The following PARD3B variants were observed in gnomAD, a reference collection of about 807,000 sequenced individuals.
PARD3B encodes par-3 family cell polarity regulator beta.
Under a neutral mutation model 130.2 loss-of-function variants are expected in PARD3B, and 103 were observed. The ratio of observed to expected loss-of-function variants is 0.79; its 90% confidence interval spans 0.67 to 0.93. The LOEUF is 0.93. Among genes scored for constraint, PARD3B ranks in the 40% least tolerant of loss-of-function variants. The pLI is 0.00. For synonymous variants in PARD3B, 583 were observed against 553.2 expected (o/e 1.05, Z -0.76); for missense variants, 1,609 against 1,499.2 (o/e 1.07, Z -1.21).
At position 205,586,155 on chromosome 2, in the gene PARD3B, CTTTA is replaced by C. The variant is rs201764883; in HGVS notation, c.3261-29295_3261-29292del. Among the ~76,000 whole-genome samples the C allele has an allele frequency of 7.5e-3, 1,139 of 152,324 alleles. 14 individuals are homozygous for C. Among genetic ancestry groups the C allele is most frequent in the South Asian group, 0.01 (50 of 4,830 alleles). Reference sequence around the variant, plus strand: ...ATCTTCACATCCCTTTGTGTCCGCTCTTTATTTATGATGATAGCCGCCTATTCTT... The same window carrying C: ...ATCTTCACATCCCTTTGTGTCCGCTCTTTATGATGATAGCCGCCTATTCTT... On this transcript the variant is annotated intron_variant, in intron 22 of 22. Transcript: ENST00000406610.
chr2:205,520,111 CA>C (rs1222414641), intron 21 of PARD3B, among the ~76,000 whole-genome samples: 1 of 151,768 alleles, frequency 6.6e-6, no homozygotes, highest in Non-Finnish European at 1.5e-5. Flanking sequence ...AACTTAGAGG[CA>C]AAAAAGGAAG....
At chr2:205,289,143 A>G (rs1348154834) in intron 16 of PARD3B, among the ~76,000 whole-genome samples, 1 of 152,206 alleles carries the variant, frequency 6.6e-6, no homozygotes, top group African/African-American at 2.4e-5. Flanking sequence ...GAAATAAACA[A>G]GTTTATTTGG....
chr2:205,523,233 ATATATATATT>A (rs1189191534), intron 21 of PARD3B, among the ~76,000 whole-genome samples: 8 of 144,580 alleles, frequency 5.5e-5, no homozygotes, highest in East Asian at 3.9e-4. Flanking sequence ...GTGTATATAT[ATATATATATT>A]TATATATATA....
rs2053425661 is a variant in PARD3B, at chr2:205,568,081, C to T, written c.3260+14678C>T. 6.6e-6 allele frequency among the ~76,000 whole-genome samples: 1 copy of T among 152,176 alleles called. No individual in the cohort carries two copies. Among genetic ancestry groups the T allele is most frequent in the South Asian group, 2.1e-4 (1 of 4,828 alleles). Reference sequence around the variant, plus strand: ...GTGCACTGGTAACAGAAGCCTCAAGCCAGGCAGCACAGATGCTTGGATAAG... The same window carrying T: ...GTGCACTGGTAACAGAAGCCTCAAGTCAGGCAGCACAGATGCTTGGATAAG... On this transcript the variant is annotated intron_variant, in intron 22 of 22. Transcript: ENST00000406610. The surrounding 1 kb of genome is among the most constrained non-coding windows in gnomAD (Gnocchi z 5.3).
intron 22 of PARD3B, among the ~76,000 whole-genome samples, chr2:205,574,423 G>A (rs565536814): frequency 6.6e-6 from 1 of 152,298 alleles, no homozygotes; most frequent in South Asian, 2.1e-4. Flanking sequence ...CGCCATCTGT[G>A]TGGCTATGCC....
chr2:205,440,573 A>T lies in PARD3B; in HGVS notation c.2945A>T (p.Tyr982Phe), dbSNP rs1395672942. The T allele has an allele frequency of 6.2e-6, 10 of 1,613,824 alleles. No individual in the cohort carries two copies. The highest frequency in any genetic ancestry group is 8.5e-6 in the Non-Finnish European group (10 of 1,179,936). ...CCCCCTCGAGCTGGACCATTTGGTTACCCTCGGGATGGCCATCCACTGTCT... is the reference window on the plus strand; with the variant it reads ...CCCCCTCGAGCTGGACCATTTGGTTTCCCTCGGGATGGCCATCCACTGTCT... ...PSPPRAGPFG[Y>F]PRDGHPLSPE... The change falls in exon 20 of 23, where the codon TAC (tyrosine) becomes TTC (phenylalanine). Residue 982 changes from tyrosine to phenylalanine, a missense_variant. Transcript: ENST00000406610. The surrounding 1 kb of genome is among the most constrained non-coding windows in gnomAD (Gnocchi z 4.2).
At chr2:205,228,919 C>G (rs570388958) in intron 15 of PARD3B, among the ~76,000 whole-genome samples, 1 of 152,186 alleles carries the variant, frequency 6.6e-6, no homozygotes, top group Non-Finnish European at 1.5e-5. Flanking sequence ...ATGTCAATTA[C>G]ATTTTTCAAC....
In PARD3B at chr2:205,401,030, A is replaced by G; in HGVS notation, c.2648A>G (p.Glu883Gly). The G allele has an allele frequency of 6.3e-7, 1 of 1,599,580 alleles. No homozygotes were observed. Among genetic ancestry groups the G allele is most frequent in the Non-Finnish European group, 8.5e-7 (1 of 1,172,704 alleles). Residue 883 changes from glutamate (E) to glycine (G), a missense_variant, in exon 19 of 23, where the codon GAG becomes GGG. Glu to Gly is a moderately conservative substitution (Grantham distance 98). Coordinates refer to ENST00000406610, the MANE Select transcript of PARD3B (RefSeq NM_001302769.2). The stretch of plus-strand genomic sequence containing the variant: ...TTCACTAGATTTGGAAAGAAGAAAG[A>G]GGATAAGGGTGGAAAGGCTGAGCAG... ...GAMLRFGKKKEDKGGKAEQKG... is the reference protein window; with the variant it reads ...GAMLRFGKKKGDKGGKAEQKG...
chr2:204,757,698 A>G (rs1428945523), intron 2 of PARD3B, among the ~76,000 whole-genome samples: 1 of 152,168 alleles, frequency 6.6e-6, no homozygotes, highest in African/African-American at 2.4e-5. Flanking sequence ...GCGATTTTAA[A>G]ACTTTTAATT....
chr2:204,725,147 T>A (rs1056308419), intron 2 of PARD3B, among the ~76,000 whole-genome samples: 1 of 152,220 alleles, frequency 6.6e-6, no homozygotes. Flanking sequence ...TTTCCTCTTT[T>A]GTTTGAATTA....
At chr2:205,205,562 G>C (rs1331173766) in intron 15 of PARD3B, among the ~76,000 whole-genome samples, 16 of 152,260 alleles carry the variant, frequency 1.1e-4, no homozygotes, top group Admixed American at 1.0e-3. Flanking sequence ...TGCCCATTCA[G>C]TGTGATATTA....
In PARD3B at chr2:205,018,280, A is replaced by G. The variant is rs565132751; in HGVS notation, c.395-29301A>G. On this transcript the variant is annotated intron_variant, in intron 3 of 22. Transcript: ENST00000406610. Reference sequence around the variant, plus strand: ...ATTCACACCCTGGTGTAATAAACAGATATGATATATCTGTATAATTTTATT... The same window carrying G: ...ATTCACACCCTGGTGTAATAAACAGGTATGATATATCTGTATAATTTTATT... 5.9e-5 allele frequency among the ~76,000 whole-genome samples: 9 copies of G among 152,266 alleles called. No homozygotes were observed. In the South Asian group the frequency reaches 1.9e-3, roughly 32 times the overall value.
chr2:205,184,820 C>T (rs567609067), intron 13 of PARD3B, among the ~76,000 whole-genome samples: 2 of 151,924 alleles, frequency 1.3e-5, no homozygotes, highest in African/African-American at 4.8e-5. Context: ...TCTCATATTC[C>T]TCCAGTAAAG....
chr2:204,560,410 A>G lies in PARD3B; in HGVS notation c.120+14291A>G, dbSNP rs903839382. On this transcript the variant is annotated intron_variant, in intron 1 of 22. Coordinates refer to ENST00000406610, the MANE Select transcript of PARD3B (RefSeq NM_001302769.2). Reference sequence around the variant, plus strand: ...CAGTGGGCTTATAGATTTAACAGGCATAGAGGAGCATGGCAACAAATGGCA... The same window carrying G: ...CAGTGGGCTTATAGATTTAACAGGCGTAGAGGAGCATGGCAACAAATGGCA... Among the ~76,000 whole-genome samples, 17 of 152,152 alleles carry G rather than the reference A, an allele frequency of 1.1e-4. 1 individual carries two copies. The highest frequency in any genetic ancestry group is 3.3e-4 in the Admixed American group (5 of 15,284).
chr2:205,159,022 C>T (rs1024478574), intron 11 of PARD3B, 115 bp downstream of exon 11: 29 of 1,100,576 alleles, frequency 2.6e-5, no homozygotes, highest in African/African-American at 8.0e-5. Context: ...GAGACTTTCC[C>T]GCCAGATACA....
chr2:205,574,839 G>T (rs1393294408), intron 22 of PARD3B, among the ~76,000 whole-genome samples: 1 of 144,730 alleles, frequency 6.9e-6, no homozygotes, highest in Non-Finnish European at 1.5e-5. Flanking sequence ...GCTGCAATGG[G>T]GAAGTCACTG....
At chr2:205,544,973 T>C (rs976814763) in intron 21 of PARD3B, among the ~76,000 whole-genome samples, 4 of 152,250 alleles carry the variant, frequency 2.6e-5, no homozygotes, top group Non-Finnish European at 5.9e-5. Context: ...TAAAATATTT[T>C]ATTTGCTGTA....
intron 19 of PARD3B, among the ~76,000 whole-genome samples, chr2:205,418,105 G>T (rs555830393): frequency 7.2e-5 from 11 of 152,056 alleles, no homozygotes; most frequent in Non-Finnish European, 1.5e-4. Flanking sequence ...AAGCTTATAA[G>T]AAAAATGTGT....
intron 1 of PARD3B, among the ~76,000 whole-genome samples, chr2:204,605,933 A>C (rs777692765): frequency 1.3e-5 from 2 of 152,010 alleles, no homozygotes; most frequent in Non-Finnish European, 2.9e-5. Context: ...ATGCTGCCTC[A>C]CCCAGTTGTC....
Sources: gnomAD v4.1 joint callset for allele counts (sites outside exome capture counted in the v4.1 genomes callset) on GRCh38, gnomAD v4.1.1 for gene constraint, Gnocchi (gnomAD v3.1) non-coding constraint, MANE v1.5 for transcripts, NCBI Gene and HGNC (gene_info 2026-07-23, HGNC 2026-07-21) for gene names.